SLC25A21: variants seen among roughly 807,000 people sequenced by gnomAD.
SLC25A21 encodes the protein solute carrier family 25 member 21.
A neutral mutation model predicts 43.8 loss-of-function variants in SLC25A21; 47 were observed. That is an observed-to-expected ratio of 1.07 (90% CI 0.85 to 1.37). The LOEUF is 1.37. Ranked by LOEUF, SLC25A21 falls within the 40% of genes most tolerant of loss-of-function variation. SLC25A21 has a pLI of 0.00. For missense variants in SLC25A21, 352 were observed against 350.2 expected (o/e 1.00, Z -0.04); for synonymous variants, 131 against 121.3 (o/e 1.08, Z -0.52).
intron 7 of SLC25A21, among the ~76,000 whole-genome samples, chr14:36,693,071 C>T (rs948955338): frequency 6.6e-6 from 1 of 152,208 alleles, no homozygotes; most frequent in African/African-American, 2.4e-5. Context: ...TTCCTTAAGG[C>T]TGCAAGCTGG....
At chr14:36,992,569 C>G (rs1960287752) in intron 1 of SLC25A21, among the ~76,000 whole-genome samples, 1 of 152,138 alleles carries the variant, frequency 6.6e-6, no homozygotes, top group African/African-American at 2.4e-5. Flanking sequence ...ATTAACCATG[C>G]AAACTAGCCC....
At chr14:36,953,198 C>T (rs1028409271) in intron 1 of SLC25A21, among the ~76,000 whole-genome samples, 1 of 152,128 alleles carries the variant, frequency 6.6e-6, no homozygotes, top group African/African-American at 2.4e-5. Context: ...TAAAATGTTT[C>T]TTAATCATCA....
At chr14:36,820,597 C>T (rs188165414) in intron 2 of SLC25A21, among the ~76,000 whole-genome samples, 1 of 152,256 alleles carries the variant, frequency 6.6e-6, no homozygotes, top group Admixed American at 6.5e-5. Flanking sequence ...TAATTTAATC[C>T]CTCTGCCTTT....
chr14:36,760,331 A>AAGGAAGGAAG (rs1886096467), intron 3 of SLC25A21, among the ~76,000 whole-genome samples: 1 of 136,754 alleles, frequency 7.3e-6, no homozygotes, highest in Non-Finnish European at 1.6e-5. Context: ...GCAGCTAGGC[A>AAGGAAGGAAG]GAAGGAAGGA....
At chr14:36,747,549 A>G in intron 3 of SLC25A21, among the ~76,000 whole-genome samples, 1 of 152,142 alleles carries the variant, frequency 6.6e-6, no homozygotes, top group Non-Finnish European at 1.5e-5. Flanking sequence ...GTCCTCCACA[A>G]AAGGAACCTT....
chr14:36,686,506 T>G (rs1405746137), intron 7 of SLC25A21, among the ~76,000 whole-genome samples: 1 of 152,168 alleles, frequency 6.6e-6, no homozygotes, highest in African/African-American at 2.4e-5. Flanking sequence ...CAGAGCCCAG[T>G]GTATCCAAGG....
At chr14:36,914,205 A>G (rs1385976410) in intron 1 of SLC25A21, among the ~76,000 whole-genome samples, 1 of 152,186 alleles carries the variant, frequency 6.6e-6, no homozygotes, top group Non-Finnish European at 1.5e-5. Context: ...ATTCCCTTCT[A>G]CCTAACTGGT....
At chr14:37,155,532 T>C (rs879471706) in intron 1 of SLC25A21, among the ~76,000 whole-genome samples, 12 of 152,116 alleles carry the variant, frequency 7.9e-5, no homozygotes, top group Admixed American at 5.9e-4. Context: ...ATTCTAAAAA[T>C]AACAAGAGAA....
At chr14:37,053,805 A>G (rs1961761170) in intron 1 of SLC25A21, among the ~76,000 whole-genome samples, 1 of 152,236 alleles carries the variant, frequency 6.6e-6, no homozygotes, top group South Asian at 2.1e-4. Context: ...TTCAGAAGTC[A>G]ACTAAAGAGT....
intron 1 of SLC25A21, among the ~76,000 whole-genome samples, chr14:36,993,810 T>C (rs937454249): frequency 6.6e-6 from 1 of 152,130 alleles, no homozygotes; most frequent in Non-Finnish European, 1.5e-5. Context: ...GAACACCTCA[T>C]CAATCCCTTA....
intron 1 of SLC25A21, among the ~76,000 whole-genome samples, chr14:37,072,733 T>C (rs1484139376): frequency 2.0e-5 from 3 of 151,994 alleles, no homozygotes; most frequent in Non-Finnish European, 4.4e-5. Flanking sequence ...GGAGCAAGAC[T>C]CTGTCTCAAA....
At chr14:36,804,288 A>G (rs1344536486) in intron 3 of SLC25A21, among the ~76,000 whole-genome samples, 1 of 152,188 alleles carries the variant, frequency 6.6e-6, no homozygotes, top group African/African-American at 2.4e-5. Flanking sequence ...GAACCCAAAG[A>G]GGGAATGGTG....
At chr14:37,146,933 T>C (rs1963676362) in intron 1 of SLC25A21, among the ~76,000 whole-genome samples, 1 of 152,218 alleles carries the variant, frequency 6.6e-6, no homozygotes, top group South Asian at 2.1e-4. Context: ...TACATACTAA[T>C]GATCACTACA....
chr14:37,085,380 T>A (rs1405577541), intron 1 of SLC25A21, among the ~76,000 whole-genome samples: 2 of 152,216 alleles, frequency 1.3e-5, no homozygotes, highest in African/African-American at 2.4e-5. Context: ...ATCCTCAATG[T>A]ACGGTAAACA....
chr14:36,699,786 G>T (rs572921470), intron 7 of SLC25A21, among the ~76,000 whole-genome samples: 55 of 152,286 alleles, frequency 3.6e-4, no homozygotes, highest in African/African-American at 1.2e-3. Context: ...TTGTCTGCAG[G>T]TTGCTAAGAC....
chr14:36,876,168 G>A (rs11621934), intron 1 of SLC25A21, among the ~76,000 whole-genome samples: 1 of 151,876 alleles, frequency 6.6e-6, no homozygotes, highest in Non-Finnish European at 1.5e-5. Flanking sequence ...CTTGAATTTA[G>A]CCATGATGTA....
Position 37,090,259 on chromosome 14 carries a change from T to C in SLC25A21, c.70+82022A>G, listed in dbSNP as rs186333834. 2.1e-3 allele frequency among the ~76,000 whole-genome samples: 319 copies of C among 152,366 alleles called. 1 individual carries two copies. Among genetic ancestry groups the C allele is most frequent in the African/African-American group, 6.6e-3 (273 of 41,594 alleles). ...AAACTCAACTCCTGGATTGTAATGATTGCTGTTGTGACAGTTTTCAGTCAG... is the reference window on the plus strand; with the variant it reads ...AAACTCAACTCCTGGATTGTAATGACTGCTGTTGTGACAGTTTTCAGTCAG... On this transcript the variant is annotated intron_variant, in intron 1 of 9. Coordinates refer to ENST00000331299, the MANE Select transcript of SLC25A21 (RefSeq NM_030631.4).
At position 36,764,892 on chromosome 14, in the gene SLC25A21, A is replaced by G. The variant is rs535020854; in HGVS notation, c.204-30319T>C. On this transcript the variant is annotated intron_variant, in intron 3 of 9. Transcript: ENST00000331299. ...TTGCAGGAATCCTTCTGCACAGAGG[A>G]TCTGAACTGGGAGGAAGAACATGGT... 3.3e-5 allele frequency among the ~76,000 whole-genome samples: 5 copies of G among 152,294 alleles called. No homozygotes were observed. The East Asian group carries it at 9.6e-4, about 29-fold the overall frequency.
intron 1 of SLC25A21, among the ~76,000 whole-genome samples, chr14:36,941,467 A>G (rs957040477): frequency 2.6e-4 from 39 of 152,176 alleles, no homozygotes; most frequent in Admixed American, 2.0e-3. Flanking sequence ...TTCAAATTAT[A>G]TTTATATAAT....
Sources: gnomAD v4.1 joint callset for allele counts (sites outside exome capture counted in the v4.1 genomes callset) on GRCh38, gnomAD v4.1.1 for gene constraint, MANE v1.5 for transcripts, NCBI Gene and HGNC (gene_info 2026-07-23, HGNC 2026-07-21) for gene names.